Variants in RYR2 observed in about 807,000 individuals in gnomAD.
RYR2 encodes ryanodine receptor 2, also known as cardiac muscle ryanodine receptor-calcium release channel.
Under a neutral mutation model 601.1 loss-of-function variants are expected in RYR2, and 227 were observed. The observed-to-expected ratio is 0.38, with a 90% CI of 0.34 to 0.42. RYR2 has a LOEUF of 0.42. RYR2 is among the 10% of genes least tolerant of loss of function. The probability of loss-of-function intolerance (pLI) is 1.00; values close to 1 mark genes in which losing one functional copy is unlikely to be tolerated. For missense variants in RYR2, 4,646 were observed against 6,156.5 expected (o/e 0.75, Z 8.21); for synonymous variants, 2,223 against 2,175.1 (o/e 1.02, Z -0.61).
At position 237,660,796 on chromosome 1, in the gene RYR2, T is replaced by A. The variant is rs764760991; in HGVS notation, c.8299-14T>A. ...TCATAATATATCTGTTGTTTCTTGT[T>A]TTTTCTTCTCTAGGAAAAAGAAATT... On this transcript the variant is annotated splice_polypyrimidine_tract_variant and intron_variant, in intron 55 of 104. Coordinates refer to ENST00000366574, the MANE Select transcript of RYR2 (RefSeq NM_001035.3). 9 of 1,534,908 alleles carry A rather than the reference T, an allele frequency of 5.9e-6. 1 individual carries two copies. In the South Asian group the frequency reaches 1.1e-4, roughly 19 times the overall value.
chr1:237,170,208 C>T (rs1418901695), intron 1 of RYR2, among the ~76,000 whole-genome samples: 1 of 152,124 alleles, frequency 6.6e-6, no homozygotes, highest in Non-Finnish European at 1.5e-5. Flanking sequence ...ATCCAGTTCT[C>T]CTTTTCTATG....
chr1:237,351,986 A>G (rs1356321484), intron 3 of RYR2, among the ~76,000 whole-genome samples: 4 of 151,912 alleles, frequency 2.6e-5, no homozygotes. Context: ...AGCCTATTAC[A>G]ACCAAGTTGG....
intron 60 of RYR2, among the ~76,000 whole-genome samples, chr1:237,676,263 AAC>A (rs1685387496): frequency 6.6e-6 from 1 of 152,158 alleles, no homozygotes; most frequent in Non-Finnish European, 1.5e-5. Context: ...CACATTGGAG[AAC>A]ACAAACACCA....
At chr1:237,272,739 A>T (rs12410165) in intron 2 of RYR2, among the ~76,000 whole-genome samples, 7,217 of 151,884 alleles carry the variant, frequency 0.048, 417 homozygotes, top group Admixed American at 0.18. Flanking sequence ...AAAAGAAATT[A>T]AAAAAATAAG....
At chr1:237,360,465 A>G (rs1286395340) in intron 4 of RYR2, among the ~76,000 whole-genome samples, 1 of 152,208 alleles carries the variant, frequency 6.6e-6, no homozygotes, top group Non-Finnish European at 1.5e-5. Flanking sequence ...ATAGTAGCTT[A>G]TCGGAATCAT....
At chr1:237,259,808 G>A (rs1688349768) in intron 1 of RYR2, among the ~76,000 whole-genome samples, 1 of 152,124 alleles carries the variant, frequency 6.6e-6, no homozygotes, top group Non-Finnish European at 1.5e-5. Flanking sequence ...CCACTGGTGG[G>A]GAACTGAAGA....
At chr1:237,171,041 T>C (rs1366824231) in intron 1 of RYR2, among the ~76,000 whole-genome samples, 1 of 152,066 alleles carries the variant, frequency 6.6e-6, no homozygotes, top group African/African-American at 2.4e-5. Context: ...GAGACCATCC[T>C]GGCTAACACA....
At chr1:237,350,751 T>G (rs540203658) in intron 3 of RYR2, among the ~76,000 whole-genome samples, 153 of 151,092 alleles carry the variant, frequency 1.0e-3, no homozygotes, top group Admixed American at 3.1e-3. Flanking sequence ...TGAATTTACA[T>G]GAATCTAATG....
rs1379256010 is a variant in RYR2, at chr1:237,590,650, T to G, written c.3818T>G (p.Ile1273Arg). 6.6e-7 allele frequency: 1 copy of G among 1,525,110 alleles called. No homozygotes were observed. The highest frequency in any genetic ancestry group is 1.3e-5 in the South Asian group (1 of 74,630). 94.5% of individuals were successfully genotyped at this position (1,525,110 alleles called of 1,614,324 possible). ...SNHEHIEVTR[I>R]DGTIDSSPCL... ...TTCTTCGTTTGCTAGGTGACCAGAA[T>G]AGACGGCACCATAGACAGTTCCCCA... The change falls in exon 31 of 105, where the codon ATA becomes AGA. Residue 1273 changes from isoleucine (I) to arginine (R), a missense_variant. Physicochemically the swap from Ile to Arg is moderately conservative, Grantham distance 97. This residue lies in a region of RYR2 where 1,807 missense variants were observed against 2,088.1 expected (regional missense o/e 0.87). Transcript: ENST00000366574.
Position 237,711,727 on chromosome 1 carries a change from T to A in RYR2, c.10231-18T>A. Reference sequence around the variant, plus strand: ...TCTTTAAGTGGTTTTAACTGAAATTTCCTTTGCAACTTCTCAGAATTTCAA... The same window carrying A: ...TCTTTAAGTGGTTTTAACTGAAATTACCTTTGCAACTTCTCAGAATTTCAA... On this transcript the variant is annotated intron_variant, in intron 70 of 104. Coordinates refer to ENST00000366574, the MANE Select transcript of RYR2 (RefSeq NM_001035.3). 1 of 1,417,400 alleles carries A rather than the reference T, an allele frequency of 7.1e-7. No individual in the cohort carries two copies. 87.8% of individuals were successfully genotyped at this position (1,417,400 alleles called of 1,614,324 possible). A position where few individuals can be genotyped will look rare whatever the true frequency, so the allele number is the denominator to read the frequency against.
In RYR2 at chr1:237,046,503, G is replaced by A. The variant is rs372847458; in HGVS notation, c.48+3934G>A. Among the ~76,000 whole-genome samples the A allele has an allele frequency of 2.0e-5, 3 of 152,188 alleles. No homozygotes were observed. In the East Asian group the frequency reaches 5.8e-4, roughly 29 times the overall value. On this transcript the variant is annotated intron_variant, in intron 1 of 104. Transcript: ENST00000366574. The stretch of plus-strand genomic sequence containing the variant: ...CATAATGAAGCTACGAGGAGCTTTA[G>A]ATAGATATGCACTATGGTATTTTCC...
At chr1:237,651,794 T>G (rs1682764705) in intron 51 of RYR2, among the ~76,000 whole-genome samples, 1 of 151,516 alleles carries the variant, frequency 6.6e-6, no homozygotes, top group Non-Finnish European at 1.5e-5. Flanking sequence ...TCCCAGCACT[T>G]TGGGAGGCCA....
At chr1:237,135,629 G>A (rs1364780547) in intron 1 of RYR2, among the ~76,000 whole-genome samples, 1 of 151,150 alleles carries the variant, frequency 6.6e-6, no homozygotes. Context: ...GCTCGCCTCA[G>A]CCTCCCAAAG....
intron 10 of RYR2, among the ~76,000 whole-genome samples, chr1:237,396,845 A>C (rs1702899370): frequency 1.3e-5 from 2 of 152,232 alleles, no homozygotes; most frequent in African/African-American, 4.8e-5. Context: ...CAAATAGATC[A>C]CAGACTTAAA....
chr1:237,366,596 G>A (rs909620930), intron 5 of RYR2, among the ~76,000 whole-genome samples: 1 of 151,120 alleles, frequency 6.6e-6, no homozygotes, highest in Non-Finnish European at 1.5e-5. Context: ...AAAACACAGA[G>A]CCAAAAAACA....
At chr1:237,293,114 CTCAATTT>C (rs1692406688) in intron 2 of RYR2, among the ~76,000 whole-genome samples, 3 of 152,134 alleles carry the variant, frequency 2.0e-5, no homozygotes, top group African/African-American at 7.2e-5. Context: ...TGTAATTTAA[CTCAATTT>C]TGACATCATC....
At chr1:237,303,073 C>T (rs1693519919) in intron 2 of RYR2, among the ~76,000 whole-genome samples, 1 of 152,110 alleles carries the variant, frequency 6.6e-6, no homozygotes, top group African/African-American at 2.4e-5. Context: ...AGTGGTGAGG[C>T]TGACCTTTCC....
intron 2 of RYR2, among the ~76,000 whole-genome samples, chr1:237,312,096 A>G (rs569898857): frequency 7.2e-5 from 11 of 152,340 alleles, no homozygotes; most frequent in African/African-American, 2.6e-4. Flanking sequence ...AAGGAAACAT[A>G]GAGACAATAG....
intron 1 of RYR2, among the ~76,000 whole-genome samples, chr1:237,120,566 C>G (rs1572704005): frequency 6.6e-6 from 1 of 152,148 alleles, no homozygotes; most frequent in South Asian, 2.1e-4. Flanking sequence ...CCAGCTCTTC[C>G]ACTAAGTAGC....
Sources: allele counts gnomAD v4.1 joint callset (sites outside exome capture counted in the v4.1 genomes callset), GRCh38; gene constraint gnomAD v4.1.1; regional missense constraint gnomAD v4.1.1; transcripts MANE v1.5; gene names NCBI Gene and HGNC (gene_info 2026-07-23, HGNC 2026-07-21).